Variants in KMT2C observed in about 807,000 individuals in gnomAD.
KMT2C encodes histone-lysine N-methyltransferase 2C.
A neutral mutation model predicts 507.9 loss-of-function variants in KMT2C; 88 were observed. The observed-to-expected ratio is 0.17, with a 90% CI of 0.15 to 0.21. The LOEUF (loss-of-function observed/expected upper bound fraction) is 0.21. Among genes scored for constraint, KMT2C ranks in the 10% least tolerant of loss-of-function variants. KMT2C has a pLI of 1.00. For missense variants in KMT2C, 4,954 were observed against 5,957.8 expected, an observed-to-expected ratio of 0.83 and a Z score of 5.55; for synonymous variants, 2,049 against 2,080.8, an observed-to-expected ratio of 0.98 and a Z score of 0.42.
intron 34 of KMT2C, 112 bp downstream of exon 34, chr7:152,185,446 G>A (rs1287798593): frequency 7.0e-6 from 5 of 714,796 alleles, no homozygotes; most frequent in East Asian, 2.7e-5. Context: ...TTGTTGTACA[G>A]GTACTAACAA....
At chr7:152,308,663 A>G (rs1195642549) in intron 6 of KMT2C, among the ~76,000 whole-genome samples, 1 of 136,624 alleles carries the variant, frequency 7.3e-6, no homozygotes, top group African/African-American at 3.0e-5. Flanking sequence ...CAACACAGCA[A>G]AACTCCTCTC....
intron 14 of KMT2C, among the ~76,000 whole-genome samples, chr7:152,243,345 T>G (rs941154354): frequency 2.0e-5 from 3 of 152,218 alleles, no homozygotes; most frequent in African/African-American, 7.2e-5. Context: ...GGGGTAGGTA[T>G]TTTTTAGGTT....
chr7:152,349,369 G>A (rs564178319), intron 2 of KMT2C, among the ~76,000 whole-genome samples: 47 of 150,650 alleles, frequency 3.1e-4, no homozygotes, highest in Non-Finnish European at 5.6e-4. Flanking sequence ...ACTTGAAACC[G>A]GGAGGCGGAG....
At chr7:152,272,364 T>C (rs560680103) in intron 7 of KMT2C, among the ~76,000 whole-genome samples, 19 of 152,316 alleles carry the variant, frequency 1.2e-4, no homozygotes, top group Admixed American at 5.2e-4. Context: ...TTGTAAAAGT[T>C]TGCATGTTGT....
At chr7:152,165,186 G>C (rs1427826658) in intron 42 of KMT2C, among the ~76,000 whole-genome samples, 1 of 152,232 alleles carries the variant, frequency 6.6e-6, no homozygotes, top group Non-Finnish European at 1.5e-5. Context: ...ACAACACTAT[G>C]TGGGATATAT....
chr7:152,145,692 C>G (rs942560994), intron 53 of KMT2C, among the ~76,000 whole-genome samples: 16 of 152,302 alleles, frequency 1.1e-4, no homozygotes, highest in African/African-American at 3.9e-4. Context: ...ATATCTCTGT[C>G]TGGAATTTTA....
At chr7:152,206,410 C>G (rs1274500316) in intron 24 of KMT2C, among the ~76,000 whole-genome samples, 2 of 152,164 alleles carry the variant, frequency 1.3e-5, no homozygotes, top group Middle Eastern at 3.4e-3. Flanking sequence ...TCAGAAGCAA[C>G]TAATCTTAGG....
intron 41 of KMT2C, among the ~76,000 whole-genome samples, chr7:152,168,175 GA>G (rs1414945627): frequency 1.3e-5 from 2 of 151,798 alleles, no homozygotes; most frequent in African/African-American, 4.8e-5. Context: ...CGTATGTAGT[GA>G]AATTCTGAAT....
intron 1 of KMT2C, chr7:152,367,444 C>T (rs1225295688): frequency 6.8e-6 from 5 of 735,946 alleles, no homozygotes; most frequent in East Asian, 4.9e-5. Flanking sequence ...TCTGGAACTC[C>T]TGAGCTCAAA....
At chr7:152,417,682 C>G (rs915209231) in intron 1 of KMT2C, among the ~76,000 whole-genome samples, 8 of 152,118 alleles carry the variant, frequency 5.3e-5, no homozygotes, top group Non-Finnish European at 1.0e-4. Flanking sequence ...TGCTCTGTCG[C>G]CCAGGCTGGA....
At chr7:152,293,060 G>A (rs777879678) in intron 6 of KMT2C, among the ~76,000 whole-genome samples, 4 of 152,004 alleles carry the variant, frequency 2.6e-5, no homozygotes, top group South Asian at 2.1e-4. Flanking sequence ...TTATACTACC[G>A]AATAGAAAGA....
chr7:152,254,229 AAC>A (rs781743673), intron 9 of KMT2C, among the ~76,000 whole-genome samples: 3 of 152,108 alleles, frequency 2.0e-5, no homozygotes, highest in African/African-American at 7.2e-5. Context: ...CAGCCTGGGC[AAC>A]ACACAGAGAC....
rs200545875 is a variant in KMT2C, at chr7:152,176,649, G to A, written c.8804C>T (p.Ser2935Leu). ...CAGAGTTGGTGGTGGTGGAGACCCC[G>A]ATGGCCTAATGTCTGAATTATCAGA... ...EKSDNSDIRP[S>L]GSPPPPTLPA... The change falls in exon 38 of 59, where the codon TCG becomes TTG. Residue 2935 changes from serine to leucine, a missense_variant. Physicochemically the swap from Ser to Leu is moderately radical, Grantham distance 145 (BLOSUM62 -2). This residue lies in a region of KMT2C where 1,689 missense variants were observed against 1,654.3 expected (regional missense o/e 1.02). Coordinates refer to ENST00000262189, the MANE Select transcript of KMT2C (RefSeq NM_170606.3). 35 of 1,614,174 alleles carry A rather than the reference G, an allele frequency of 2.2e-5. No homozygotes were observed. Among genetic ancestry groups the A allele is most frequent in the Non-Finnish European group, 2.7e-5 (32 of 1,180,032 alleles).
Position 152,178,015 on chromosome 7 carries a change from T to TATAA in KMT2C, c.7443-6_7443-5insTTAT. Reference sequence around the variant, plus strand: ...CTACCTCCTGGAAATCCAAATCTTTTAAAAAAAAAAAAAAAAAAAAAAAAA... The same window carrying TATAA: ...CTACCTCCTGGAAATCCAAATCTTTTATAAAAAAAAAAAAAAAAAAAAAAAAAAA... On this transcript the variant is annotated splice_polypyrimidine_tract_variant and splice_region_variant and intron_variant, in intron 37 of 58. Transcript: ENST00000262189. 1 of 809,860 alleles carries TATAA rather than the reference T, an allele frequency of 1.2e-6. No homozygotes were observed. The highest frequency in any genetic ancestry group is 1.5e-6 in the Non-Finnish European group (1 of 681,248). 50.2% of individuals were successfully genotyped at this position (809,860 alleles called of 1,614,324 possible).
chr7:152,208,272 G>A (rs993576849), intron 23 of KMT2C, among the ~76,000 whole-genome samples: 4 of 152,132 alleles, frequency 2.6e-5, no homozygotes, highest in Admixed American at 6.6e-5. Flanking sequence ...TCAGTTCTTT[G>A]AATGTATCAA....
chr7:152,240,773 T>G (rs575392734), intron 14 of KMT2C, among the ~76,000 whole-genome samples: 23 of 152,288 alleles, frequency 1.5e-4, no homozygotes, highest in African/African-American at 5.5e-4. Flanking sequence ...CTTTTTATCT[T>G]CAAGTTTTGT....
intron 10 of KMT2C, among the ~76,000 whole-genome samples, 159 bp from the exon 11 acceptor site, chr7:152,252,249 C>T (rs1050782719): frequency 5.9e-5 from 9 of 152,180 alleles, no homozygotes; most frequent in African/African-American, 2.2e-4. Flanking sequence ...TTTTAAAGCA[C>T]ATTTGTGCAT....
In KMT2C at chr7:152,318,093, G is replaced by A. The variant is rs914177679; in HGVS notation, c.390-2755C>T. On this transcript the variant is annotated intron_variant, in intron 3 of 58. Coordinates refer to ENST00000262189, the MANE Select transcript of KMT2C (RefSeq NM_170606.3). ...GCGGAGGTTGCAATGAACTGAGATCGTGCCACTGCACTCCAGCCTAGGCGA... is the reference window on the plus strand; with the variant it reads ...GCGGAGGTTGCAATGAACTGAGATCATGCCACTGCACTCCAGCCTAGGCGA... Among the ~76,000 whole-genome samples the A allele has an allele frequency of 5.9e-5, 9 of 152,028 alleles. No homozygotes were observed. In the South Asian group the frequency reaches 1.5e-3, roughly 25 times the overall value.
chr7:152,270,963 CTCAG>C (rs1214635877), intron 7 of KMT2C, among the ~76,000 whole-genome samples: 1 of 152,148 alleles, frequency 6.6e-6, no homozygotes, highest in African/African-American at 2.4e-5. Context: ...TTACTCCTAA[CTCAG>C]TCAACTATCA....
Sources: gnomAD v4.1 joint callset for allele counts (sites outside exome capture counted in the v4.1 genomes callset) on GRCh38, gnomAD v4.1.1 for gene constraint, gnomAD v4.1.1 regional missense constraint, MANE v1.5 for transcripts, NCBI Gene and HGNC (gene_info 2026-07-23, HGNC 2026-07-21) for gene names.